MS4A6A: variants seen among roughly 807,000 people sequenced by gnomAD.
The protein encoded by MS4A6A is membrane spanning 4-domains A6A.
In MS4A6A, 19 loss-of-function variants were observed where a neutral mutation model predicts 20.6. The observed-to-expected ratio is 0.92, with a 90% CI of 0.64 to 1.36. The LOEUF (loss-of-function observed/expected upper bound fraction) is 1.36, where lower values mean the gene tolerates loss of function less well. MS4A6A is among the 40% of genes most tolerant of loss of function. The pLI is 0.00. For missense variants in MS4A6A, 272 were observed against 261.1 expected, an observed-to-expected ratio of 1.04 and a Z score of -0.29; for synonymous variants, 108 against 105.0, an observed-to-expected ratio of 1.03 and a Z score of -0.17.
At chr11:60,178,120 C>T (rs991071843) in intron 4 of MS4A6A, 140 bp downstream of exon 4, 2 of 734,976 alleles carry the variant, frequency 2.7e-6, no homozygotes, top group African/African-American at 3.6e-5. Flanking sequence ...AGGATCCAGG[C>T]CCAGCTCCTA....
chr11:60,179,724 T>C (rs774476323), intron 3 of MS4A6A, 107 bp downstream of exon 3: 1 of 1,325,254 alleles, frequency 7.5e-7, no homozygotes, highest in South Asian at 1.2e-5. Context: ...GTTGACTCCT[T>C]GCTCCTGGCA....
Position 60,181,760 on chromosome 11 carries a change from A to G in MS4A6A, c.-14-19T>C. 6.2e-7 allele frequency: 1 copy of G among 1,612,280 alleles called. No individual in the cohort carries two copies. Among genetic ancestry groups the G allele is most frequent in the South Asian group, 1.1e-5 (1 of 90,972 alleles). On this transcript the variant is annotated intron_variant, in intron 1 of 5. Coordinates refer to ENST00000528851, the MANE Select transcript of MS4A6A (RefSeq NM_022349.4). ...TTGCCAACTATGTAAGAAAAAATAGATTTAGCTCTTAAAAAGTACAGAGCT... is the reference window on the plus strand; with the variant it reads ...TTGCCAACTATGTAAGAAAAAATAGGTTTAGCTCTTAAAAAGTACAGAGCT...
At chr11:60,177,866 G>C (rs1329580938) in intron 4 of MS4A6A, 2 of 219,810 alleles carry the variant, frequency 9.1e-6, no homozygotes, top group African/African-American at 2.4e-5. Flanking sequence ...TTTTTCAAGG[G>C]TTGTAACACC....
Position 60,173,057 on chromosome 11 carries a change from A to G in MS4A6A, c.622T>C (p.Trp208Arg). The G allele has an allele frequency of 6.2e-7, 1 of 1,614,110 alleles. No individual in the cohort carries two copies. The highest frequency in any genetic ancestry group is 8.5e-7 in the Non-Finnish European group (1 of 1,179,980). ...CLAVLTAVLR[W>R]KQAYSDFPGV... Reference sequence around the variant, plus strand: ...GGGAAGTCAGAGTAAGCCTGTTTCCACCGCAGCACAGCAGTGAGCACAGCT... The same window carrying G: ...GGGAAGTCAGAGTAAGCCTGTTTCCGCCGCAGCACAGCAGTGAGCACAGCT... The change falls in exon 6 of 6, where the codon TGG becomes CGG. Residue 208 changes from tryptophan (W) to arginine (R), a missense_variant. Coordinates refer to ENST00000528851, the MANE Select transcript of MS4A6A (RefSeq NM_022349.4).
chr11:60,181,224 A>T lies in MS4A6A; in HGVS notation c.147+357T>A, dbSNP rs1357566284. 1.3e-5 allele frequency: 5 copies of T among 383,354 alleles called. No individual in the cohort carries two copies. The East Asian group carries it at 3.3e-4, about 26-fold the overall frequency. The allele number at this position is 383,354 out of a possible 1,614,324, so 23.7% of individuals were successfully genotyped here. ...AGTGAGGGAAAAATTATTTGCAAAA[A>T]GTCAGTTTGGATTATTAAGCATGCA... On this transcript the variant is annotated intron_variant, in intron 2 of 5. Coordinates refer to ENST00000528851, the MANE Select transcript of MS4A6A (RefSeq NM_022349.4).
intron 2 of MS4A6A, 83 bp from the exon 3 acceptor site, chr11:60,180,048 G>C (rs1244723259): frequency 1.5e-6 from 2 of 1,359,578 alleles, no homozygotes; most frequent in East Asian, 4.7e-5. Context: ...TGGCACTAAT[G>C]CATTATCGCC....
At position 60,175,439 on chromosome 11, in the gene MS4A6A, TAAAGTGAATCATGATA is replaced by T; in HGVS notation, c.496_511del (p.Tyr166IlefsTer18). ...TTTGGCTGTATAGCAGTCCGTGGTATAAAGTGAATCATGATAAAAGTAAGAAACATAACTTCTTGTT... is the reference window on the plus strand; with the variant it reads ...TTTGGCTGTATAGCAGTCCGTGGTATAAAGTAAGAAACATAACTTCTTGTT... On this transcript the variant is annotated frameshift_variant, in exon 5 of 6. Transcript: ENST00000528851. LOFTEE classifies it high-confidence loss of function. The T allele has an allele frequency of 6.2e-7, 1 of 1,614,152 alleles. No homozygotes were observed. The highest frequency in any genetic ancestry group is 2.2e-5 in the East Asian group (1 of 44,880).
chr11:60,172,182 T>A, downstream of MS4A6A: 1 of 1,613,222 alleles, frequency 6.2e-7, no homozygotes, highest in South Asian at 1.1e-5. Flanking sequence ...GTTCTTCATA[T>A]CCACAGTCAT....
upstream of MS4A6A, chr11:60,184,102 T>C (rs1419735595): frequency 6.6e-6 from 1 of 152,232 alleles, no homozygotes; most frequent in Non-Finnish European, 1.5e-5. Flanking sequence ...CAGAGGGCCA[T>C]GGATTCTGCA....
At chr11:60,181,074 A>G (rs1361137379) in intron 2 of MS4A6A, 1 of 453,142 alleles carries the variant, frequency 2.2e-6, no homozygotes, top group Middle Eastern at 6.9e-4. Context: ...CCTTCATGCA[A>G]TACAGCTTCT....
In MS4A6A at chr11:60,179,868, A is replaced by C. The variant is rs201491942; in HGVS notation, c.245T>G (p.Leu82Arg). 6.2e-7 allele frequency: 1 copy of C among 1,614,196 alleles called. No homozygotes were observed. The highest frequency in any genetic ancestry group is 8.5e-7 in the Non-Finnish European group (1 of 1,180,032). The change falls in exon 3 of 6, where the codon CTG (leucine) becomes CGG (arginine). Residue 82 changes from leucine (L) to arginine (R), a missense_variant. Transcript: ENST00000528851. ...TATGAATGGGTAAGCAGAGTTCAAC[A>C]GTGTAGAAGTCACTTGGGTAAAATT... The part of the protein sequence containing the change: ...SPNFTQVTST[L>R]LNSAYPFIGP...
chr11:60,172,562 G>A lies in MS4A6A; in HGVS notation c.*439C>T, dbSNP rs1856633523. ...CAAACGAATTTTAAGATCACCAGGG[G>A]CAAATGCAGAGCATAAGACATTCAC... is the stretch of plus-strand genomic sequence containing the variant. On this transcript the variant is annotated 3_prime_UTR_variant, in exon 6 of 6. Transcript: ENST00000528851. The A allele has an allele frequency of 9.8e-6, 11 of 1,124,324 alleles. No homozygotes were observed. The highest frequency in any genetic ancestry group is 1.2e-5 in the Non-Finnish European group (11 of 916,234). 69.6% of individuals were successfully genotyped at this position (1,124,324 alleles called of 1,614,324 possible).
Position 60,175,453 on chromosome 11 carries a change from A to T in MS4A6A, c.498T>A (p.Tyr166Ter). Reference protein sequence around the residue: ...IPTRSYVSYFYHDSLYTTDCY... With the variant: ...IPTRSYVSYF The stretch of plus-strand genomic sequence containing the variant: ...AGTCCGTGGTATAAAGTGAATCATG[A>T]TAAAAGTAAGAAACATAACTTCTTG... Residue 166 changes from tyrosine (Y) to a stop codon, truncating the protein, a stop_gained, in exon 5 of 6, where the codon TAT (tyrosine) becomes TAA (stop). Coordinates refer to ENST00000528851, the MANE Select transcript of MS4A6A (RefSeq NM_022349.4). LOFTEE classifies it high-confidence loss of function. The T allele has an allele frequency of 6.2e-7, 1 of 1,614,208 alleles. No individual in the cohort carries two copies. Among genetic ancestry groups the T allele is most frequent in the Non-Finnish European group, 8.5e-7 (1 of 1,180,022 alleles).
chr11:60,177,847 A>G, intron 4 of MS4A6A: 1 of 217,568 alleles, frequency 4.6e-6, no homozygotes, highest in Non-Finnish European at 9.1e-6. Flanking sequence ...CAACACTTTG[A>G]CTCATTTTTT....
At chr11:60,180,136 G>A in intron 2 of MS4A6A, 171 bp from the exon 3 acceptor site, 2 of 665,340 alleles carry the variant, frequency 3.0e-6, no homozygotes, top group South Asian at 4.1e-5. Flanking sequence ...CCTGGAGGGT[G>A]TGCAGCTCTG....
At chr11:60,174,839 A>AC (rs1856755393) in intron 5 of MS4A6A, among the ~76,000 whole-genome samples, 3 of 152,084 alleles carry the variant, frequency 2.0e-5, no homozygotes, top group Admixed American at 2.0e-4. Context: ...CACTTCTTTC[A>AC]GCTATAACAA....
chr11:60,181,368 T>C, intron 2 of MS4A6A: 1 of 580,356 alleles, frequency 1.7e-6, no homozygotes, highest in Non-Finnish European at 3.0e-6. Context: ...AGAAAATCAA[T>C]TCCTCATATT....
chr11:60,182,010 T>G (rs575936118), intron 1 of MS4A6A, among the ~76,000 whole-genome samples: 89 of 152,276 alleles, frequency 5.8e-4, no homozygotes, highest in Non-Finnish European at 1.1e-3. Flanking sequence ...CAGAGGCAAA[T>G]GGTCACACAA....
intron 2 of MS4A6A, 111 bp from the exon 3 acceptor site, chr11:60,180,076 G>A: frequency 3.7e-6 from 4 of 1,094,194 alleles, no homozygotes; most frequent in Non-Finnish European, 5.3e-6. Context: ...AGATCCTAAT[G>A]AGGATACAAA....
Sources: allele counts gnomAD v4.1 joint callset (sites outside exome capture counted in the v4.1 genomes callset), GRCh38; gene constraint gnomAD v4.1.1; transcripts MANE v1.5; gene names NCBI Gene and HGNC (gene_info 2026-07-23, HGNC 2026-07-21).